ZNF366: variants seen among roughly 807,000 people sequenced by gnomAD.
ZNF366 encodes dendritic cell-specific transcript protein.
In ZNF366, 20 loss-of-function variants were observed where a neutral mutation model predicts 47.2. The ratio of observed to expected loss-of-function variants is 0.42; its 90% CI spans 0.30 to 0.62. The LOEUF is 0.62. ZNF366 is among the 20% of genes least tolerant of loss of function. ZNF366 has a pLI of 0.16. For missense variants in ZNF366, 987 were observed against 976.3 expected, an observed-to-expected ratio of 1.01 and a Z score of -0.15; for synonymous variants, 421 against 395.1, an observed-to-expected ratio of 1.07 and a Z score of -0.78.
At chr5:72,478,280 A>G (rs1368454399) in intron 1 of ZNF366, among the ~76,000 whole-genome samples, 3 of 104,646 alleles carry the variant, frequency 2.9e-5, no homozygotes, top group African/African-American at 9.1e-5. Flanking sequence ...CACCCCTTCT[A>G]TGCAGGTTTC....
intron 1 of ZNF366, among the ~76,000 whole-genome samples, chr5:72,462,541 T>TTCTA: frequency 1.2e-5 from 1 of 84,492 alleles, no homozygotes; most frequent in South Asian, 4.4e-4. Context: ...CTTTCTTTCT[T>TTCTA]TCTTTCTTTT....
intron 3 of ZNF366, among the ~76,000 whole-genome samples, chr5:72,454,510 C>T (rs766087151): frequency 6.6e-6 from 1 of 152,180 alleles, no homozygotes; most frequent in Non-Finnish European, 1.5e-5. Flanking sequence ...ACGTTTTCTG[C>T]CTGGTTTTAC....
chr5:72,491,306 C>T (rs1744003474), intron 1 of ZNF366, among the ~76,000 whole-genome samples: 1 of 152,174 alleles, frequency 6.6e-6, no homozygotes, highest in Non-Finnish European at 1.5e-5. Flanking sequence ...ACTCTAAGCC[C>T]TCTTCCTCAT....
chr5:72,470,404 G>A lies in ZNF366; in HGVS notation c.-14-8894C>T, dbSNP rs114508488. 6.8e-4 allele frequency among the ~76,000 whole-genome samples: 104 copies of A among 152,308 alleles called. 1 individual carries two copies. Among genetic ancestry groups the A allele is most frequent in the African/African-American group, 2.5e-3 (103 of 41,562 alleles). On this transcript the variant is annotated intron_variant, in intron 1 of 4. Coordinates refer to ENST00000318442, the MANE Select transcript of ZNF366 (RefSeq NM_152625.3). ...CAGGAGGAGGAGAGAACCTTCCCCA[G>A]TGGAGTCTTTATGGAGACTTCTAGG... is the stretch of plus-strand genomic sequence containing the variant.
intron 3 of ZNF366, among the ~76,000 whole-genome samples, chr5:72,448,075 C>G (rs1192132468): frequency 2.0e-5 from 3 of 152,068 alleles, no homozygotes; most frequent in Non-Finnish European, 4.4e-5. Context: ...TTCTTATATA[C>G]AATGTATTAT....
intron 1 of ZNF366, among the ~76,000 whole-genome samples, chr5:72,476,600 T>G (rs1483563828): frequency 6.6e-6 from 1 of 152,180 alleles, no homozygotes; most frequent in South Asian, 2.1e-4. Flanking sequence ...TTTTTCTGTA[T>G]GTCAAGATTG....
intron 1 of ZNF366, among the ~76,000 whole-genome samples, chr5:72,471,435 G>T (rs1048029154): frequency 1.3e-5 from 2 of 151,924 alleles, no homozygotes; most frequent in African/African-American, 4.8e-5. Flanking sequence ...TTATCTCCTT[G>T]TGTACATGTA....
intron 3 of ZNF366, among the ~76,000 whole-genome samples, chr5:72,455,784 G>T (rs1426028522): frequency 6.6e-6 from 1 of 152,184 alleles, no homozygotes; most frequent in Non-Finnish European, 1.5e-5. Flanking sequence ...CTTAGCAATA[G>T]GTGAAAGGCA....
intron 1 of ZNF366, among the ~76,000 whole-genome samples, chr5:72,503,246 A>T (rs1224772848): frequency 6.6e-6 from 1 of 152,212 alleles, no homozygotes; most frequent in East Asian, 1.9e-4. Context: ...CGGCTAGGAC[A>T]TTCCTTATTC....
At chr5:72,454,957 G>C (rs899464069) in intron 3 of ZNF366, among the ~76,000 whole-genome samples, 1 of 147,374 alleles carries the variant, frequency 6.8e-6, no homozygotes, top group Non-Finnish European at 1.5e-5. Context: ...CCTGAGTTTG[G>C]CTTAATGCTC....
In ZNF366 at chr5:72,461,028, G is replaced by C. The variant is rs748655194; in HGVS notation, c.469C>G (p.Pro157Ala). 5 of 1,614,036 alleles carry C rather than the reference G, an allele frequency of 3.1e-6. No homozygotes were observed. The highest frequency in any genetic ancestry group is 4.2e-6 in the Non-Finnish European group (5 of 1,180,042). The change falls in exon 2 of 5, where the codon CCC becomes GCC. Residue 157 changes from proline to alanine, a missense_variant. By Grantham distance (27) the Pro-to-Ala change is conservative (BLOSUM62 -1). Around this residue, in one of 3 missense-constraint regions of ZNF366, gnomAD observed 591 missense variants for 560.9 expected, o/e 1.05. Coordinates refer to ENST00000318442, the MANE Select transcript of ZNF366 (RefSeq NM_152625.3). ...GKPVKQEPIK[P>A]SAVWPQPTPT... ...GTTGGCTGGGGCCACACGGCGCTGGGCTTAATGGGTTCCTGCTTGACGGGC... is the reference window on the plus strand; with the variant it reads ...GTTGGCTGGGGCCACACGGCGCTGGCCTTAATGGGTTCCTGCTTGACGGGC...
At chr5:72,499,664 G>A (rs937165281) in intron 1 of ZNF366, among the ~76,000 whole-genome samples, 2 of 152,148 alleles carry the variant, frequency 1.3e-5, no homozygotes, top group African/African-American at 4.8e-5. Flanking sequence ...TTCTCTGGAA[G>A]TAGGGGTGAG....
Position 72,460,644 on chromosome 5 carries a change from G to A in ZNF366, c.853C>T (p.His285Tyr). The A allele has an allele frequency of 1.9e-6, 3 of 1,614,222 alleles. No homozygotes were observed. The highest frequency in any genetic ancestry group is 2.5e-6 in the Non-Finnish European group (3 of 1,180,042). ...AGCTGCTTGAAGAGCTTCCCGCAGT[G>A]CGTGCACGCGTGCGGCTTGATCCCA... is the stretch of plus-strand genomic sequence containing the variant. Reference protein sequence around the residue: ...HSGIKPHACTHCGKLFKQLSH... With the variant: ...HSGIKPHACTYCGKLFKQLSH... Residue 285 changes from histidine (H) to tyrosine (Y), a missense_variant, in exon 2 of 5, where the codon CAC (histidine) becomes TAC (tyrosine). Physicochemically the swap from His to Tyr is moderately conservative, Grantham distance 83. Transcript: ENST00000318442.
chr5:72,452,168 G>A (rs1196903753), intron 3 of ZNF366, among the ~76,000 whole-genome samples: 1 of 152,220 alleles, frequency 6.6e-6, no homozygotes, highest in East Asian at 1.9e-4. Context: ...TGCAGCTGAG[G>A]AGAATGGCCT....
At chr5:72,490,829 A>G (rs1455274770) in intron 1 of ZNF366, among the ~76,000 whole-genome samples, 8 of 152,202 alleles carry the variant, frequency 5.3e-5, no homozygotes, top group Non-Finnish European at 8.8e-5. Context: ...GTTGAGAACT[A>G]CTGAACTTGA....
chr5:72,455,620 G>A (rs947829195), intron 3 of ZNF366, among the ~76,000 whole-genome samples: 6 of 152,122 alleles, frequency 3.9e-5, no homozygotes, highest in Admixed American at 6.5e-5. Flanking sequence ...GGACAGCCTC[G>A]GGGAGCCGGA....
At chr5:72,502,343 G>T (rs1404645831) in intron 1 of ZNF366, among the ~76,000 whole-genome samples, 2 of 152,170 alleles carry the variant, frequency 1.3e-5, no homozygotes, top group Admixed American at 6.5e-5. Flanking sequence ...TAGTCTAAAA[G>T]AACAGCCTTC....
At position 72,456,752 on chromosome 5, in the gene ZNF366, C is replaced by T. The variant is rs557681294; in HGVS notation, c.1333-157G>A. On this transcript the variant is annotated intron_variant, in intron 2 of 4. Coordinates refer to ENST00000318442, the MANE Select transcript of ZNF366 (RefSeq NM_152625.3). Reference sequence around the variant, plus strand: ...GTGTAGCTTCAGCCTTGTTAAATTACTATTTTCTTGAAAAGTGTTGATTAT... The same window carrying T: ...GTGTAGCTTCAGCCTTGTTAAATTATTATTTTCTTGAAAAGTGTTGATTAT... Among the ~76,000 whole-genome samples the T allele has an allele frequency of 2.6e-5, 4 of 152,310 alleles. No individual in the cohort carries two copies. In the East Asian group the frequency reaches 5.8e-4, roughly 22 times the overall value.
rs182676084 is a variant in ZNF366 at position 72,480,680 on chromosome 5, A to T, written c.-14-19170T>A. The stretch of plus-strand genomic sequence containing the variant: ...GACAGAACTAATTTGAATGCATAAA[A>T]AAATAATGGAGTGAATAAATAAAAC... On this transcript the variant is annotated intron_variant, in intron 1 of 4. Coordinates refer to ENST00000318442, the MANE Select transcript of ZNF366 (RefSeq NM_152625.3). Among the ~76,000 whole-genome samples the T allele has an allele frequency of 5.8e-3, 886 of 152,322 alleles. 9 individuals carry two copies. Among genetic ancestry groups the T allele is most frequent in the African/African-American group, 0.019 (805 of 41,568 alleles).
Sources: allele counts gnomAD v4.1 joint callset (sites outside exome capture counted in the v4.1 genomes callset), GRCh38; gene constraint gnomAD v4.1.1; regional missense constraint gnomAD v4.1.1; transcripts MANE v1.5; gene names NCBI Gene and HGNC (gene_info 2026-07-23, HGNC 2026-07-21).